ARFGEF1: variants seen among roughly 807,000 people sequenced by gnomAD.
The protein encoded by ARFGEF1 is ARF guanine nucleotide exchange factor 1.
Under a neutral mutation model 231.0 loss-of-function variants are expected in ARFGEF1, and 42 were observed. The observed-to-expected ratio is 0.18, with a 90% CI of 0.14 to 0.24. The LOEUF is 0.24. Among genes scored for constraint, ARFGEF1 ranks in the 10% least tolerant of loss-of-function variants. ARFGEF1 has a pLI of 1.00. For synonymous variants in ARFGEF1, 710 were observed against 732.3 expected (o/e 0.97, Z 0.49); for missense variants, 1,345 against 2,192.0 (o/e 0.61, Z 7.72).
At position 67,343,226 on chromosome 8, in the gene ARFGEF1, G is replaced by A; in HGVS notation, c.62C>T (p.Ala21Val). Residue 21 changes from alanine (A) to valine (V), a missense_variant, in exon 1 of 39, where the codon GCC (alanine) becomes GTC (valine). This residue lies in a region of ARFGEF1 where 398 missense variants were observed against 463.2 expected (regional missense o/e 0.86). Transcript: ENST00000262215. ...ATGCGCCTTCTTCACTTCCTTGTCGGCCAATATCTTCTCCAGAGCCCGGGT... is the reference window on the plus strand; with the variant it reads ...ATGCGCCTTCTTCACTTCCTTGTCGACCAATATCTTCTCCAGAGCCCGGGT... ...FLTRALEKIL[A>V]DKEVKKAHHS... 1.9e-6 allele frequency: 3 copies of A among 1,613,842 alleles called. No homozygotes were observed. Among genetic ancestry groups the A allele is most frequent in the South Asian group, 1.1e-5 (1 of 91,066 alleles).
chr8:67,291,444 T>C (rs1316698415), intron 6 of ARFGEF1, among the ~76,000 whole-genome samples: 3 of 151,616 alleles, frequency 2.0e-5, no homozygotes, highest in Admixed American at 1.3e-4. Context: ...CATAATCATA[T>C]TTTTAAAACT....
intron 24 of ARFGEF1, 28 bp downstream of exon 24, chr8:67,228,196 C>T: frequency 6.2e-7 from 1 of 1,609,058 alleles, no homozygotes; most frequent in South Asian, 1.1e-5. Flanking sequence ...CAAGCCAGTT[C>T]CGAAGTAGAA....
At chr8:67,273,603 C>CA (rs1480937819) in intron 9 of ARFGEF1, among the ~76,000 whole-genome samples, 1 of 151,736 alleles carries the variant, frequency 6.6e-6, no homozygotes, top group African/African-American at 2.4e-5. Flanking sequence ...ATGGGTATCA[C>CA]AAAAAAATAC....
At chr8:67,211,943 A>T (rs577536733) in intron 33 of ARFGEF1, among the ~76,000 whole-genome samples, 1 of 152,306 alleles carries the variant, frequency 6.6e-6, no homozygotes, top group South Asian at 2.1e-4. Flanking sequence ...GTGAATTTAG[A>T]AAAGGATCTT....
Position 67,201,579 on chromosome 8 carries a change from G to A in ARFGEF1, c.5155C>T (p.Leu1719Phe). ...AGFKGKSKPN[L>F]LKQETSSLAC... ...AGGCTGCTGGTCTCCTGCTTCAGAA[G>A]GTTGGGCTTGGATTTGCCTTTGAAT... The change falls in exon 37 of 39, where the codon CTT becomes TTT. Residue 1719 changes from leucine (L) to phenylalanine (F), a missense_variant. This residue lies in a region of ARFGEF1 where 161 missense variants were observed against 284.9 expected (regional missense o/e 0.57). Coordinates refer to ENST00000262215, the MANE Select transcript of ARFGEF1 (RefSeq NM_006421.5). The A allele has an allele frequency of 6.2e-7, 1 of 1,613,500 alleles. No homozygotes were observed. Among genetic ancestry groups the A allele is most frequent in the Non-Finnish European group, 8.5e-7 (1 of 1,179,850 alleles).
At position 67,299,326 on chromosome 8, in the gene ARFGEF1, G is replaced by C; in HGVS notation, c.342C>G (p.Gly114=). 5 of 1,606,848 alleles carry C rather than the reference G, an allele frequency of 3.1e-6. No individual in the cohort carries two copies. Among genetic ancestry groups the C allele is most frequent in the Non-Finnish European group, 4.2e-6 (5 of 1,178,264 alleles). Residue 114 remains glycine (G), a synonymous_variant, in exon 4 of 39, where the codon GGC becomes GGG. Coordinates refer to ENST00000262215, the MANE Select transcript of ARFGEF1 (RefSeq NM_006421.5). Reference sequence around the variant, plus strand: ...CTGGTGTTGTACTATCTGGAGCATTGCCAGTCAAGTGCCCATAAGCAATAA... The same window carrying C: ...CTGGTGTTGTACTATCTGGAGCATTCCCAGTCAAGTGCCCATAAGCAATAA... The part of the protein sequence containing the change: ...QKLIAYGHLT[G]NAPDSTTPGK...
At chr8:67,225,806 A>T (rs1839353282) in intron 28 of ARFGEF1, among the ~76,000 whole-genome samples, 1 of 152,202 alleles carries the variant, frequency 6.6e-6, no homozygotes, top group Non-Finnish European at 1.5e-5. Context: ...AAACAAGTTA[A>T]TACAAGTTAA....
At chr8:67,298,468 A>T (rs111453192) in intron 4 of ARFGEF1, among the ~76,000 whole-genome samples, 1 of 152,222 alleles carries the variant, frequency 6.6e-6, no homozygotes, top group Non-Finnish European at 1.5e-5. Flanking sequence ...GAATTGGCGG[A>T]TAAGTAGTGT....
In ARFGEF1 at chr8:67,343,317, C is replaced by A. The variant is rs766802347; in HGVS notation, c.-30G>T. 11 of 1,604,306 alleles carry A rather than the reference C, an allele frequency of 6.9e-6. No homozygotes were observed. Among genetic ancestry groups the A allele is most frequent in the South Asian group, 1.1e-5 (1 of 90,428 alleles). ...GCAGAGAAGGAGGCGGCGGCTCGTC[C>A]GACCCGCGGCTCCCAGCGGCTGGAG... On this transcript the variant is annotated 5_prime_UTR_variant, in exon 1 of 39. Transcript: ENST00000262215.
In ARFGEF1 at chr8:67,260,277, A is replaced by G. The variant is rs552968890; in HGVS notation, c.2124-351T>C. On this transcript the variant is annotated intron_variant, in intron 14 of 38. Coordinates refer to ENST00000262215, the MANE Select transcript of ARFGEF1 (RefSeq NM_006421.5). ...TAGTAGACGAACTTTGAGTAATACT[A>G]AATATTTCATACAGGCATACTTCAT... Among the ~76,000 whole-genome samples the G allele has an allele frequency of 1.7e-4, 26 of 152,344 alleles. 1 individual carries two copies. The East Asian group carries it at 4.1e-3, about 24-fold the overall frequency.
chr8:67,248,975 A>G (rs1254422024), intron 19 of ARFGEF1, among the ~76,000 whole-genome samples: 2 of 150,348 alleles, frequency 1.3e-5, no homozygotes, highest in Non-Finnish European at 2.9e-5. Flanking sequence ...TCTTTGCTTT[A>G]TCTTAAAAAG....
At chr8:67,177,856 A>C in intron 5 of ARFGEF1, 1 of 734,182 alleles carries the variant, frequency 1.4e-6, no homozygotes, top group Non-Finnish European at 2.5e-6. Context: ...TCTTATCAGT[A>C]AAGTGGATAG....
chr8:67,174,997 TGGGTGGC>T, downstream of ARFGEF1: 1 of 326,746 alleles, frequency 3.1e-6, no homozygotes, highest in Non-Finnish European at 5.8e-6. Context: ...GTCTGTGTTC[TGGGTGGC>T]ATCCTGGCAG....
rs140061414 is a variant in ARFGEF1, at chr8:67,249,910, C to T, written c.2850+1389G>A. On this transcript the variant is annotated intron_variant, in intron 19 of 38. Coordinates refer to ENST00000262215, the MANE Select transcript of ARFGEF1 (RefSeq NM_006421.5). The stretch of plus-strand genomic sequence containing the variant: ...GTGCTGGGAATACAGGCGTAAGCCA[C>T]CGTGCCTAGCTGAGAGGGTGATATT... 3.2e-3 allele frequency among the ~76,000 whole-genome samples: 490 copies of T among 152,354 alleles called. 1 individual carries two copies. Among genetic ancestry groups the T allele is most frequent in the African/African-American group, 0.011 (466 of 41,572 alleles).
chr8:67,241,584 G>A (rs1459290171), intron 19 of ARFGEF1, among the ~76,000 whole-genome samples: 5 of 151,964 alleles, frequency 3.3e-5, no homozygotes, highest in Non-Finnish European at 5.9e-5. Flanking sequence ...ATAACTGTAC[G>A]AACCTTTGTG....
chr8:67,191,966 G>C (rs1352376813), intron 5 of ARFGEF1, among the ~76,000 whole-genome samples: 2 of 151,860 alleles, frequency 1.3e-5, no homozygotes, highest in East Asian at 3.9e-4. Flanking sequence ...TGGTGGTTTT[G>C]AGTTGCATTT....
chr8:67,242,479 G>C (rs539496731), intron 19 of ARFGEF1, among the ~76,000 whole-genome samples: 1 of 152,284 alleles, frequency 6.6e-6, no homozygotes, highest in South Asian at 2.1e-4. Context: ...GCCTTGAAGG[G>C]AATGGCCCAG....
chr8:67,222,220 T>TATACACACAC (rs1563846486), intron 29 of ARFGEF1, among the ~76,000 whole-genome samples: 10 of 120,816 alleles, frequency 8.3e-5, no homozygotes, highest in African/African-American at 3.3e-4. Context: ...CACATATATA[T>TATACACACAC]ATATGTATAT....
chr8:67,278,701 C>A (rs576005059), intron 7 of ARFGEF1, among the ~76,000 whole-genome samples: 19 of 152,114 alleles, frequency 1.2e-4, no homozygotes, highest in African/African-American at 4.6e-4. Context: ...CAAAAATAAG[C>A]TGGGCACGGT....
Sources: allele counts gnomAD v4.1 joint callset (sites outside exome capture counted in the v4.1 genomes callset), GRCh38; gene constraint gnomAD v4.1.1; regional missense constraint gnomAD v4.1.1; transcripts MANE v1.5; gene names NCBI Gene and HGNC (gene_info 2026-07-23, HGNC 2026-07-21).